SIAH3: variants seen among roughly 807,000 people sequenced by gnomAD.
SIAH3 encodes siah E3 ubiquitin protein ligase family member 3, also known as seven in absentia homolog 3.
Under a neutral mutation model 12.6 loss-of-function variants are expected in SIAH3, and 9 were observed. That is an observed-to-expected ratio of 0.72 (90% CI 0.43 to 1.25). SIAH3 has a LOEUF of 1.25. Among genes scored for constraint, SIAH3 ranks in the 50% most tolerant of loss-of-function variants. SIAH3 has a pLI of 0.00. For synonymous variants in SIAH3, 154 were observed against 151.1 expected (o/e 1.02, Z -0.14); for missense variants, 390 against 365.4 (o/e 1.07, Z -0.55).
At chr13:45,827,293 C>T (rs972346039) in intron 1 of SIAH3, among the ~76,000 whole-genome samples, 1 of 152,144 alleles carries the variant, frequency 6.6e-6, no homozygotes, top group Non-Finnish European at 1.5e-5. Context: ...CAGCCAGTGT[C>T]TTGCAAACAC....
chr13:45,807,428 A>T (rs559908241), intron 1 of SIAH3, among the ~76,000 whole-genome samples: 1 of 152,336 alleles, frequency 6.6e-6, no homozygotes, highest in Admixed American at 6.5e-5. Context: ...AAACATGGTG[A>T]TTCAAGTGCA....
At chr13:45,803,608 A>G (rs553726783) in intron 1 of SIAH3, among the ~76,000 whole-genome samples, 7 of 152,346 alleles carry the variant, frequency 4.6e-5, no homozygotes, top group Non-Finnish European at 1.0e-4. Flanking sequence ...CAGGTAGACA[A>G]AAAGCAATAG....
In SIAH3 at chr13:45,777,642, T is replaced by TG. The variant is rs1950489112; in HGVS notation, c.*5740dup. 1 of 152,200 alleles carries TG rather than the reference T, an allele frequency of 6.6e-6. No homozygotes were observed. Among genetic ancestry groups the TG allele is most frequent in the South Asian group, 2.1e-4 (1 of 4,820 alleles). 9.4% of individuals were successfully genotyped at this position (152,200 alleles called of 1,614,324 possible). ...CTGGCTATTTTCCAGGTGAACACAA[T>TG]GGGGAACTCACCAATTCCTGAAGAA... is the stretch of plus-strand genomic sequence containing the variant. On this transcript the variant is annotated 3_prime_UTR_variant, in exon 2 of 2. Transcript: ENST00000400405.
rs1236849648 is a variant in SIAH3 at position 45,843,030 on chromosome 13, C to CTG, written c.135+8464_135+8465insCA. Among the ~76,000 whole-genome samples the CTG allele has an allele frequency of 3.4e-4, 22 of 64,522 alleles. 1 individual carries two copies. In the East Asian group the frequency reaches 0.012, roughly 36 times the overall value. The allele number at this position is 64,522 out of a possible 152,430, so 42.3% of individuals were successfully genotyped here. The stretch of plus-strand genomic sequence containing the variant: ...GAATTGCCATTATTTCTCTCTCTCT[C>CTG]TCTCTGTGTGTGTGTGTGTGTGTGT... On this transcript the variant is annotated intron_variant, in intron 1 of 1. Coordinates refer to ENST00000400405, the MANE Select transcript of SIAH3 (RefSeq NM_198849.3).
intron 1 of SIAH3, among the ~76,000 whole-genome samples, chr13:45,845,356 G>A (rs1593390096): frequency 6.6e-6 from 1 of 152,018 alleles, no homozygotes; most frequent in Non-Finnish European, 1.5e-5. Flanking sequence ...TTGAGATCTC[G>A]GCGGTTTGGG....
At chr13:45,827,185 G>C (rs1356348432) in intron 1 of SIAH3, among the ~76,000 whole-genome samples, 2 of 152,180 alleles carry the variant, frequency 1.3e-5, no homozygotes, top group Non-Finnish European at 2.9e-5. Flanking sequence ...TTTTGGAGGA[G>C]AGGATCCTGA....
chr13:45,815,141 GC>G (rs1385523399), intron 1 of SIAH3, among the ~76,000 whole-genome samples: 1 of 151,410 alleles, frequency 6.6e-6, no homozygotes, highest in Non-Finnish European at 1.5e-5. Flanking sequence ...CTAGAGAGGG[GC>G]ATTTCATCTT....
At chr13:45,784,530 A>G (rs139117744) in intron 1 of SIAH3, among the ~76,000 whole-genome samples, 1 of 150,180 alleles carries the variant, frequency 6.7e-6, no homozygotes, top group Non-Finnish European at 1.5e-5. Context: ...CATAATGCCC[A>G]TTTGTCCTTC....
At chr13:45,815,157 G>T (rs111593039) in intron 1 of SIAH3, among the ~76,000 whole-genome samples, 272 of 151,198 alleles carry the variant, frequency 1.8e-3, no homozygotes, top group African/African-American at 6.2e-3. Context: ...CATCTTTCTG[G>T]CAGTGAAGGT....
chr13:45,834,386 G>T (rs1008506588), intron 1 of SIAH3, among the ~76,000 whole-genome samples: 1 of 152,282 alleles, frequency 6.6e-6, no homozygotes, highest in Admixed American at 6.5e-5. Flanking sequence ...TACTGACATC[G>T]ATGGGCTCCC....
intron 1 of SIAH3, among the ~76,000 whole-genome samples, chr13:45,800,565 G>A (rs1157877500): frequency 2.4e-4 from 36 of 152,158 alleles, no homozygotes. Context: ...AACCTTCCTT[G>A]TTCAGATGGC....
intron 1 of SIAH3, among the ~76,000 whole-genome samples, chr13:45,798,729 G>A (rs530537065): frequency 2.6e-5 from 4 of 152,236 alleles, no homozygotes; most frequent in South Asian, 2.1e-4. Flanking sequence ...AGTCACTTCC[G>A]GCAGATCCCT....
intron 1 of SIAH3, among the ~76,000 whole-genome samples, chr13:45,810,669 T>A (rs954349409): frequency 6.6e-6 from 1 of 151,928 alleles, no homozygotes. Context: ...ATGATGGGAG[T>A]CTAGAATTCA....
At chr13:45,820,273 G>A (rs73472509) in intron 1 of SIAH3, among the ~76,000 whole-genome samples, 5,127 of 152,240 alleles carry the variant, frequency 0.034, 296 homozygotes, top group African/African-American at 0.12. Flanking sequence ...AAGAAGCTCC[G>A]TTGGCCGGGA....
At chr13:45,786,623 C>A (rs568974778) in intron 1 of SIAH3, among the ~76,000 whole-genome samples, 1 of 152,338 alleles carries the variant, frequency 6.6e-6, no homozygotes, top group South Asian at 2.1e-4. Flanking sequence ...GTCTGTAAAA[C>A]GGCGTTACAA....
chr13:45,806,984 G>GA (rs1447292732), intron 1 of SIAH3, among the ~76,000 whole-genome samples: 2 of 152,030 alleles, frequency 1.3e-5, no homozygotes, highest in Non-Finnish European at 2.9e-5. Flanking sequence ...GAACCAACTG[G>GA]AAAAAATCAT....
chr13:45,783,993 T>C lies in SIAH3; in HGVS notation c.200A>G (p.His67Arg), dbSNP rs1344893062. The C allele has an allele frequency of 1.2e-6, 2 of 1,605,936 alleles. No homozygotes were observed. Among genetic ancestry groups the C allele is most frequent in the South Asian group, 1.1e-5 (1 of 89,060 alleles). The change falls in exon 2 of 2, where the codon CAT becomes CGT. Residue 67 changes from histidine (H) to arginine (R), a missense_variant. By Grantham distance (29) the His-to-Arg change is conservative. Transcript: ENST00000400405. ...APEQGSFHPH[H>R]LSHHHCHHRH... The stretch of plus-strand genomic sequence containing the variant: ...GTGGTGGCAGTGGTGGTGGGAGAGA[T>C]GGTGAGGGTGGAAGCTGCCTTGCTC...
rs943292 is a variant in SIAH3 at position 45,780,781 on chromosome 13, C to T, written c.*2602G>A. The stretch of plus-strand genomic sequence containing the variant: ...TGGGTTTTGGTTGTGGTCTAACCAC[C>T]TGATGTGTGACCTTGAAAAGATCAC... On this transcript the variant is annotated 3_prime_UTR_variant, in exon 2 of 2. Transcript: ENST00000400405. 128,979 of 152,210 alleles carry T rather than the reference C, an allele frequency of 0.85. 54,648 individuals carry two copies. The highest frequency in any genetic ancestry group is 0.87 in the Middle Eastern group (257 of 294). 9.4% of individuals were successfully genotyped at this position (152,210 alleles called of 1,614,324 possible).
intron 1 of SIAH3, among the ~76,000 whole-genome samples, chr13:45,807,613 A>C (rs927058949): frequency 5.3e-5 from 8 of 152,216 alleles, no homozygotes; most frequent in African/African-American, 1.9e-4. Context: ...GAGGCATAGA[A>C]GCAAGAGAGA....
Sources: gnomAD v4.1 joint callset for allele counts (sites outside exome capture counted in the v4.1 genomes callset) on GRCh38, gnomAD v4.1.1 for gene constraint, MANE v1.5 for transcripts, NCBI Gene and HGNC (gene_info 2026-07-23, HGNC 2026-07-21) for gene names.